The following NCAM1 variants were observed in gnomAD, a reference collection of about 807,000 sequenced individuals.
NCAM1 encodes the protein antigen recognized by monoclonal antibody 5.1H11.
A neutral mutation model predicts 109.8 loss-of-function variants in NCAM1; 14 were observed. That is an observed-to-expected ratio of 0.13 (90% CI 0.08 to 0.20). NCAM1 has a LOEUF of 0.20. NCAM1 is among the 10% of genes least tolerant of loss of function. The probability of loss-of-function intolerance (pLI) is 1.00; values close to 1 mark genes in which losing one functional copy is unlikely to be tolerated. For synonymous variants in NCAM1, 418 were observed against 442.9 expected (o/e 0.94, Z 0.70); for missense variants, 774 against 1,109.9 (o/e 0.70, Z 4.30).
intron 17 of NCAM1, among the ~76,000 whole-genome samples, chr11:113,268,868 G>A (rs1288673671): frequency 6.6e-6 from 1 of 152,164 alleles, no homozygotes; most frequent in East Asian, 1.9e-4. Flanking sequence ...CTGGTGGGGT[G>A]AGCCCCAGGT....
At chr11:113,125,299 G>A (rs139597061) in intron 1 of NCAM1, among the ~76,000 whole-genome samples, 6 of 152,216 alleles carry the variant, frequency 3.9e-5, no homozygotes, top group South Asian at 2.1e-4. Context: ...AATGGACCAC[G>A]TTTCCTCTGT....
In NCAM1 at chr11:113,105,933, G is replaced by T. The variant is rs1310657663; in HGVS notation, c.53-96446G>T. Among the ~76,000 whole-genome samples the T allele has an allele frequency of 3.3e-5, 5 of 152,258 alleles. No individual in the cohort carries two copies. In the East Asian group the frequency reaches 9.6e-4, roughly 29 times the overall value. On this transcript the variant is annotated intron_variant, in intron 1 of 19. Coordinates refer to ENST00000316851, the MANE Select transcript of NCAM1 (RefSeq NM_181351.5). ...TATTTCAGTAAAGCTGTTATAAAATGATGAGTTTGAAAAATAGAAAAATTA... is the reference window on the plus strand; with the variant it reads ...TATTTCAGTAAAGCTGTTATAAAATTATGAGTTTGAAAAATAGAAAAATTA...
chr11:113,020,737 G>A (rs1221465097), intron 1 of NCAM1, among the ~76,000 whole-genome samples: 2 of 152,008 alleles, frequency 1.3e-5, no homozygotes, highest in Non-Finnish European at 1.5e-5. Context: ...TGGGTAGCTG[G>A]TGATGTTCTG....
At chr11:113,217,790 C>T (rs1944573574) in intron 8 of NCAM1, among the ~76,000 whole-genome samples, 1 of 152,180 alleles carries the variant, frequency 6.6e-6, no homozygotes, top group African/African-American at 2.4e-5. Flanking sequence ...TGTTGCAGCT[C>T]AGTGCTTCTC....
chr11:113,102,507 A>G (rs997631402), intron 1 of NCAM1, among the ~76,000 whole-genome samples: 1 of 152,182 alleles, frequency 6.6e-6, no homozygotes, highest in Non-Finnish European at 1.5e-5. Context: ...CATGGAGGCT[A>G]TGGAGGTGAC....
intron 1 of NCAM1, among the ~76,000 whole-genome samples, chr11:113,062,896 A>G (rs1471140099): frequency 3.3e-5 from 5 of 152,100 alleles, no homozygotes; most frequent in South Asian, 2.1e-4. Flanking sequence ...TGAGCCCAGG[A>G]GTTTGAGGCT....
At chr11:113,079,646 A>G (rs1555086810) in intron 1 of NCAM1, among the ~76,000 whole-genome samples, 3 of 152,214 alleles carry the variant, frequency 2.0e-5, no homozygotes, top group South Asian at 2.1e-4. Flanking sequence ...ATGTATTTAT[A>G]TTCTTCATAA....
At chr11:113,191,751 GTA>G (rs1300223247) in intron 1 of NCAM1, among the ~76,000 whole-genome samples, 14 of 136,298 alleles carry the variant, frequency 1.0e-4, no homozygotes, top group African/African-American at 3.3e-4. Context: ...ATGTATGTGT[GTA>G]TATGTGTGTG....
At chr11:113,189,843 A>T (rs1257399664) in intron 1 of NCAM1, among the ~76,000 whole-genome samples, 3 of 149,708 alleles carry the variant, frequency 2.0e-5, no homozygotes, top group African/African-American at 5.0e-5. Context: ...AATAAAAAAT[A>T]AAAATGCTAC....
chr11:113,055,952 A>G (rs1953682401), intron 1 of NCAM1, among the ~76,000 whole-genome samples: 1 of 132,784 alleles, frequency 7.5e-6, no homozygotes, highest in Non-Finnish European at 1.6e-5. Context: ...AATGTCCATC[A>G]GTGGATGAAT....
chr11:113,220,669 G>A (rs1944667498), intron 8 of NCAM1, among the ~76,000 whole-genome samples: 1 of 139,328 alleles, frequency 7.2e-6, no homozygotes, highest in African/African-American at 2.8e-5. Flanking sequence ...GTGCAGTGGT[G>A]CGATCTCGCT....
At chr11:113,003,328 G>T (rs1555072735) in intron 1 of NCAM1, among the ~76,000 whole-genome samples, 3 of 152,208 alleles carry the variant, frequency 2.0e-5, no homozygotes, top group African/African-American at 7.2e-5. Context: ...TTTTGTATGT[G>T]GATGAATGAA....
At chr11:113,173,711 T>G (rs1463920665) in intron 1 of NCAM1, among the ~76,000 whole-genome samples, 1 of 150,954 alleles carries the variant, frequency 6.6e-6, no homozygotes, top group East Asian at 1.9e-4. Context: ...CTTGCCTAGT[T>G]CAAGGCTTGT....
chr11:113,231,407 A>G (rs1431644648), intron 9 of NCAM1: 4 of 1,082,752 alleles, frequency 3.7e-6, no homozygotes, highest in African/African-American at 3.2e-5. Flanking sequence ...GCTGCCTGAC[A>G]TAACTGAGTC....
chr11:113,049,216 T>C (rs781791528), intron 1 of NCAM1, among the ~76,000 whole-genome samples: 2 of 152,150 alleles, frequency 1.3e-5, no homozygotes, highest in African/African-American at 4.8e-5. Flanking sequence ...CTGTACACTT[T>C]AAAATGGCTA....
At chr11:113,116,364 G>A (rs1940709096) in intron 1 of NCAM1, among the ~76,000 whole-genome samples, 1 of 152,152 alleles carries the variant, frequency 6.6e-6, no homozygotes, top group African/African-American at 2.4e-5. Flanking sequence ...GTGGTGGACT[G>A]GTAGTGCCAG....
rs782605842 is a variant in NCAM1, at chr11:112,961,559, G to GC, written c.-54_-53insC. 6.2e-6 allele frequency: 7 copies of GC among 1,136,730 alleles called. No homozygotes were observed. The highest frequency in any genetic ancestry group is 3.9e-4 in the Middle Eastern group (2 of 5,170). The allele number at this position is 1,136,730 out of a possible 1,614,324, so 70.4% of individuals were successfully genotyped here. A position where few individuals can be genotyped will look rare whatever the true frequency, so the allele number is the denominator to read the frequency against. ...CCGCCGTCCACACTCGCTGCAGGGG[G>GC]GGGGGCACAGAATTTACCGCGGCAA... On this transcript the variant is annotated 5_prime_UTR_variant, in exon 1 of 20. Transcript: ENST00000316851.
intron 1 of NCAM1, among the ~76,000 whole-genome samples, chr11:113,121,008 G>A (rs1052953853): frequency 2.0e-5 from 3 of 152,090 alleles, no homozygotes; most frequent in Admixed American, 2.0e-4. Context: ...TCTGTGATAT[G>A]AGTTTTCATC....
At chr11:113,151,940 C>G (rs1470676024) in intron 1 of NCAM1, among the ~76,000 whole-genome samples, 1 of 152,134 alleles carries the variant, frequency 6.6e-6, no homozygotes, top group Middle Eastern at 3.2e-3. Flanking sequence ...GAGCTGCAAG[C>G]TTGGGGGTGG....
Sources: allele counts gnomAD v4.1 joint callset (sites outside exome capture counted in the v4.1 genomes callset), GRCh38; gene constraint gnomAD v4.1.1; transcripts MANE v1.5; gene names NCBI Gene and HGNC (gene_info 2026-07-23, HGNC 2026-07-21).